MTMR9: variants seen among roughly 807,000 people sequenced by gnomAD.
MTMR9 encodes myotubularin related protein 9.
A neutral mutation model predicts 69.5 loss-of-function variants in MTMR9; 39 were observed. The observed-to-expected ratio is 0.56, with a 90% CI of 0.43 to 0.73. The LOEUF (loss-of-function observed/expected upper bound fraction) is 0.73, where lower values mean the gene tolerates loss of function less well. Ranked by LOEUF, MTMR9 falls within the 30% of genes least tolerant of loss-of-function variation. The pLI, the probability that MTMR9 is intolerant of heterozygous loss-of-function variation, is 0.00. For synonymous variants in MTMR9, 354 were observed against 240.8 expected (o/e 1.47, Z -4.35); for missense variants, 900 against 671.2 (o/e 1.34, Z -3.77).
chr8:11,298,885 C>G, intron 2 of MTMR9: 1 of 984,936 alleles, frequency 1.0e-6, no homozygotes, highest in Non-Finnish European at 1.2e-6. Flanking sequence ...TAAATATAGG[C>G]CCATTTGGGG....
chr8:11,298,536 G>T (rs746758818), intron 2 of MTMR9, among the ~76,000 whole-genome samples: 6 of 152,022 alleles, frequency 3.9e-5, no homozygotes, highest in Non-Finnish European at 8.8e-5. Flanking sequence ...TGAGCTGTAT[G>T]TCCGGTCTAC....
intron 5 of MTMR9, among the ~76,000 whole-genome samples, 154 bp downstream of exon 5, chr8:11,306,561 G>A (rs900871974): frequency 6.6e-6 from 1 of 151,762 alleles, no homozygotes; most frequent in African/African-American, 2.4e-5. Context: ...TTTTTGGTCA[G>A]CTCTATTAAG....
chr8:11,313,504 G>T (rs962171630), intron 6 of MTMR9, among the ~76,000 whole-genome samples: 16 of 152,154 alleles, frequency 1.1e-4, no homozygotes, highest in African/African-American at 3.9e-4. Flanking sequence ...AGCTTTCGAC[G>T]TGCCTTCCTC....
chr8:11,321,168 G>A (rs1246948141), intron 9 of MTMR9: 2 of 237,712 alleles, frequency 8.4e-6, no homozygotes, highest in East Asian at 2.0e-4. Context: ...CTTATCTATT[G>A]AAGTGTCCCC....
At chr8:11,306,433 A>T (rs568259913) in intron 5 of MTMR9, 26 bp downstream of exon 5, 1 of 1,600,912 alleles carries the variant, frequency 6.2e-7, no homozygotes, top group Admixed American at 1.7e-5. Flanking sequence ...GATAGTACAG[A>T]CTCTTATTAG....
chr8:11,324,013 C>T lies in MTMR9; in HGVS notation c.*1225C>T, dbSNP rs1800811523. 6.6e-6 allele frequency: 1 copy of T among 152,150 alleles called. No individual in the cohort carries two copies. Among genetic ancestry groups the T allele is most frequent in the African/African-American group, 2.4e-5 (1 of 41,426 alleles). 9.4% of individuals were successfully genotyped at this position (152,150 alleles called of 1,614,324 possible). A position where few individuals can be genotyped will look rare whatever the true frequency, so the allele number is the denominator to read the frequency against. On this transcript the variant is annotated 3_prime_UTR_variant, in exon 10 of 10. Coordinates refer to ENST00000221086, the MANE Select transcript of MTMR9 (RefSeq NM_015458.4). ...ATGTTTGTGGTTCAGTATTTCCCAC[C>T]TACATTTCTGTTTGGTGACATTGCT... is the stretch of plus-strand genomic sequence containing the variant.
chr8:11,317,626 G>A (rs1268515586), intron 8 of MTMR9: 2 of 152,162 alleles, frequency 1.3e-5, no homozygotes, highest in Non-Finnish European at 2.9e-5. Flanking sequence ...CATGGCCTGG[G>A]GTTTGGGGAT....
At position 11,285,060 on chromosome 8, in the gene MTMR9, A is replaced by G; in HGVS notation, c.172A>G (p.Ile58Val). The change falls in exon 1 of 10, where the codon ATC becomes GTC. Residue 58 changes from isoleucine (I) to valine (V), a missense_variant. Coordinates refer to ENST00000221086, the MANE Select transcript of MTMR9 (RefSeq NM_015458.4). ...LWLLHSNIDA[I>V]DKRFVGSLGT... Reference sequence around the variant, plus strand: ...GCTCCTCCATTCAAACATCGACGCCATCGACAAGCGGTGAGTGCCCGCCCC... The same window carrying G: ...GCTCCTCCATTCAAACATCGACGCCGTCGACAAGCGGTGAGTGCCCGCCCC... The G allele has an allele frequency of 6.2e-7, 1 of 1,605,590 alleles. No homozygotes were observed. Among genetic ancestry groups the G allele is most frequent in the Non-Finnish European group, 8.5e-7 (1 of 1,175,430 alleles).
At chr8:11,311,826 G>T (rs562871364) in intron 6 of MTMR9, among the ~76,000 whole-genome samples, 3 of 151,364 alleles carry the variant, frequency 2.0e-5, no homozygotes, top group East Asian at 3.9e-4. Context: ...ATTAGAGTCA[G>T]TTCTCTCAAA....
rs1373644315 is a variant in MTMR9 at position 11,309,622 on chromosome 8, C to G, written c.905C>G (p.Ser302Cys). ...CGATGGCTCAGTAAATTGGAGGCCT[C>G]TAACTGGCTGACTCACATCAAAGAG... ...MDRWLSKLEASNWLTHIKEIL... is the reference protein window; with the variant it reads ...MDRWLSKLEACNWLTHIKEIL... The change falls in exon 6 of 10, where the codon TCT becomes TGT. Residue 302 changes from serine (S) to cysteine (C), a missense_variant. By Grantham distance (112) the Ser-to-Cys change is moderately radical. Transcript: ENST00000221086. 1 of 1,613,880 alleles carries G rather than the reference C, an allele frequency of 6.2e-7. No individual in the cohort carries two copies. The highest frequency in any genetic ancestry group is 1.7e-5 in the Admixed American group (1 of 59,972).
rs1172546188 is a variant in MTMR9 at position 11,328,003 on chromosome 8, G to T, written c.*5215G>T. 2.6e-5 allele frequency: 4 copies of T among 152,212 alleles called. No homozygotes were observed. The highest frequency in any genetic ancestry group is 4.4e-5 in the Non-Finnish European group (3 of 68,040). The allele number at this position is 152,212 out of a possible 1,614,324, so 9.4% of individuals were successfully genotyped here. On this transcript the variant is annotated 3_prime_UTR_variant, in exon 10 of 10. Transcript: ENST00000221086. ...GTTTACTGAATCAAGAAAGAGTCTT[G>T]TCGAATGTGGTACTGTTCTTAGTGT...
At chr8:11,330,482 GA>G, downstream of MTMR9, among the ~76,000 whole-genome samples, 1 of 152,232 alleles carries the variant, frequency 6.6e-6, no homozygotes, top group Non-Finnish European at 1.5e-5. Flanking sequence ...AGAAAAGGGG[GA>G]AAGGTGGGGA....
At chr8:11,292,989 A>G (rs898868250) in intron 1 of MTMR9, among the ~76,000 whole-genome samples, 18 of 152,254 alleles carry the variant, frequency 1.2e-4, no homozygotes, top group African/African-American at 3.9e-4. Flanking sequence ...TTTAGAGTAT[A>G]CTGCTTATAC....
intron 3 of MTMR9, among the ~76,000 whole-genome samples, chr8:11,302,637 C>G (rs763492651): frequency 2.0e-5 from 3 of 152,114 alleles, no homozygotes; most frequent in African/African-American, 2.4e-5. Context: ...AAAAGCAAAT[C>G]TTGTATCATT....
At chr8:11,316,615 A>C in intron 7 of MTMR9, 58 bp from the exon 8 acceptor site, 1 of 1,153,226 alleles carries the variant, frequency 8.7e-7, no homozygotes, top group Non-Finnish European at 1.2e-6. Context: ...TGTCGGTAGA[A>C]TGCTCTGTCA....
chr8:11,289,257 T>C (rs139911371), intron 1 of MTMR9, among the ~76,000 whole-genome samples: 1 of 152,212 alleles, frequency 6.6e-6, no homozygotes, highest in East Asian at 1.9e-4. Flanking sequence ...TGGAGCTGCC[T>C]TGCCTTGCTG....
In MTMR9 at chr8:11,319,790, C is replaced by G. The variant is rs370159796; in HGVS notation, c.1438C>G (p.Leu480Val). ...CAATCCCCTCTTTGAAGCCAACAAC[C>G]TTGTCATCTGGCCTTCAGTTGCTCC... is the stretch of plus-strand genomic sequence containing the variant. ...FTNPLFEANN[L>V]VIWPSVAPQS... Residue 480 changes from leucine to valine, a missense_variant, in exon 9 of 10, where the codon CTT becomes GTT. Transcript: ENST00000221086. 1.2e-6 allele frequency: 2 copies of G among 1,614,044 alleles called. No homozygotes were observed. Among genetic ancestry groups the G allele is most frequent in the Non-Finnish European group, 1.7e-6 (2 of 1,180,016 alleles).
At chr8:11,290,224 A>C in intron 1 of MTMR9, among the ~76,000 whole-genome samples, 1 of 152,086 alleles carries the variant, frequency 6.6e-6, no homozygotes, top group East Asian at 1.9e-4. Flanking sequence ...ATCTTTGTAT[A>C]TGCTTGTGAG....
At position 11,309,102 on chromosome 8, in the gene MTMR9, A is replaced by G. The variant is rs141068429; in HGVS notation, c.810-425A>G. 4.8e-3 allele frequency among the ~76,000 whole-genome samples: 728 copies of G among 152,244 alleles called. 4 individuals carry two copies. The highest frequency in any genetic ancestry group is 0.016 in the African/African-American group (685 of 41,538). On this transcript the variant is annotated intron_variant, in intron 5 of 9. Transcript: ENST00000221086. Reference sequence around the variant, plus strand: ...TTTATAAGTGTCTCTAGGTGGGTGAATGGGAGCTGTAGCTAGAAAACAGTG... The same window carrying G: ...TTTATAAGTGTCTCTAGGTGGGTGAGTGGGAGCTGTAGCTAGAAAACAGTG...
Sources: gnomAD v4.1 joint callset for allele counts (sites outside exome capture counted in the v4.1 genomes callset) on GRCh38, gnomAD v4.1.1 for gene constraint, MANE v1.5 for transcripts, NCBI Gene and HGNC (gene_info 2026-07-23, HGNC 2026-07-21) for gene names.